Variants in RND3 observed in about 807,000 individuals in gnomAD.
RND3 encodes rho-related GTP-binding protein RhoE.
Under a neutral mutation model 26.5 loss-of-function variants are expected in RND3, and 8 were observed. That is an observed-to-expected ratio of 0.30 (90% CI 0.18 to 0.54). The LOEUF (loss-of-function observed/expected upper bound fraction) is 0.54, where lower values mean the gene tolerates loss of function less well. Among genes scored for constraint, RND3 ranks in the 20% least tolerant of loss-of-function variants. The probability of loss-of-function intolerance (pLI) is 0.94; values close to 1 mark genes in which losing one functional copy is unlikely to be tolerated. For missense variants in RND3, 207 were observed against 302.8 expected, an observed-to-expected ratio of 0.68 and a Z score of 2.35; for synonymous variants, 113 against 113.0, an observed-to-expected ratio of 1.00 and a Z score of 0.00.
At position 150,486,845 on chromosome 2, in the gene RND3, GACACCCATTGA is replaced by G; in HGVS notation, c.151-75_151-65del. On this transcript the variant is annotated intron_variant, in intron 2 of 5. Coordinates refer to ENST00000263895, the MANE Select transcript of RND3 (RefSeq NM_005168.5). The surrounding 1 kb of genome is among the most constrained non-coding windows in gnomAD (Gnocchi z 4.5). ...GCAAAGAGGTTACGTTTAAACGCACGACACCCATTGAACACCCTTCCCCTCCCCGCTCCCCA... is the reference window on the plus strand; with the variant it reads ...GCAAAGAGGTTACGTTTAAACGCACGACACCCTTCCCCTCCCCGCTCCCCA... 8.8e-7 allele frequency: 1 copy of G among 1,130,576 alleles called. No individual in the cohort carries two copies. Among genetic ancestry groups the G allele is most frequent in the South Asian group, 1.2e-5 (1 of 81,324 alleles). 70.0% of individuals were successfully genotyped at this position (1,130,576 alleles called of 1,614,324 possible).
intron 3 of RND3, chr2:150,485,261 C>T (rs1324020141): frequency 6.6e-6 from 1 of 152,356 alleles, no homozygotes; most frequent in Non-Finnish European, 1.5e-5. Context: ...GAGAGGCGCT[C>T]GCTCGTGCGA....
chr2:150,471,719 G>A lies in RND3; in HGVS notation c.391C>T (p.Leu131Phe), dbSNP rs142625334. ...IQEFCPNTKM[L>F]LVGCKSDLRT... ...AGATCAGACTTGCAGCCGACCAAGA[G>A]CATTTTGGTATTTGGACAAAATTCC... The change falls in exon 5 of 6, where the codon CTC (leucine) becomes TTC (phenylalanine). Residue 131 changes from leucine to phenylalanine, a missense_variant. Leu to Phe is a conservative substitution (Grantham distance 22). Coordinates refer to ENST00000263895, the MANE Select transcript of RND3 (RefSeq NM_005168.5). 4 of 1,612,316 alleles carry A rather than the reference G, an allele frequency of 2.5e-6. No homozygotes were observed. The African/African-American group carries it at 4.0e-5, about 16-fold the overall frequency.
At chr2:150,482,689 T>C (rs1686294415) in intron 3 of RND3, among the ~76,000 whole-genome samples, 1 of 141,540 alleles carries the variant, frequency 7.1e-6, no homozygotes. Flanking sequence ...CAAAATGCCT[T>C]TTGTAGTTGC....
chr2:150,478,363 C>G (rs79743060), intron 3 of RND3, among the ~76,000 whole-genome samples: 1 of 151,628 alleles, frequency 6.6e-6, no homozygotes, highest in African/African-American at 2.4e-5. Context: ...CTGGAGAGGG[C>G]ACGGTGGAAT....
intron 3 of RND3, among the ~76,000 whole-genome samples, chr2:150,476,694 C>A (rs1019416557): frequency 2.0e-5 from 3 of 152,144 alleles, no homozygotes; most frequent in African/African-American, 7.2e-5. Context: ...AAAGTCAAGT[C>A]ATTTTAAGTA....
At chr2:150,478,377 A>G (rs917448405) in intron 3 of RND3, among the ~76,000 whole-genome samples, 24 of 152,032 alleles carry the variant, frequency 1.6e-4, no homozygotes, top group African/African-American at 5.6e-4. Flanking sequence ...GTGGAATCAC[A>G]GGTATGCGTG....
chr2:150,483,935 T>C (rs531136297), intron 3 of RND3, among the ~76,000 whole-genome samples: 4 of 152,376 alleles, frequency 2.6e-5, no homozygotes, highest in South Asian at 2.1e-4. Context: ...AGTACAAAAT[T>C]TTCTTCATCA....
At chr2:150,475,781 G>A (rs747662526) in intron 3 of RND3, among the ~76,000 whole-genome samples, 6 of 152,086 alleles carry the variant, frequency 3.9e-5, no homozygotes, top group African/African-American at 9.7e-5. Flanking sequence ...GGATCATGTC[G>A]CTTTTTTACA....
intron 3 of RND3, among the ~76,000 whole-genome samples, chr2:150,482,722 C>CGGGGG (rs1686295534): frequency 1.4e-4 from 1 of 7,154 alleles, no homozygotes; most frequent in Non-Finnish European, 3.1e-4. Context: ...GTGCAATGGG[C>CGGGGG]GGGGGTGGGG....
chr2:150,480,290 T>C (rs547457171), intron 3 of RND3, among the ~76,000 whole-genome samples: 1 of 152,316 alleles, frequency 6.6e-6, no homozygotes, highest in South Asian at 2.1e-4. Context: ...GGCTCATTTT[T>C]CAAAACCAAT....
chr2:150,476,958 G>A (rs902098843), intron 3 of RND3, among the ~76,000 whole-genome samples: 4 of 152,254 alleles, frequency 2.6e-5, no homozygotes, highest in South Asian at 2.1e-4. Context: ...ACTCTAGCAC[G>A]GCACCTGCTG....
chr2:150,479,065 T>C (rs531489501), intron 3 of RND3, among the ~76,000 whole-genome samples: 17 of 152,122 alleles, frequency 1.1e-4, no homozygotes, highest in Non-Finnish European at 2.5e-4. Flanking sequence ...TTGAAAGGCT[T>C]TGCTGGGGGT....
At chr2:150,472,261 C>T (rs918975314) in intron 4 of RND3, among the ~76,000 whole-genome samples, 5 of 152,154 alleles carry the variant, frequency 3.3e-5, no homozygotes, top group Admixed American at 6.5e-5. Context: ...CGAGCTGAGG[C>T]TCTATTTTAA....
At chr2:150,473,951 C>T (rs957148469) in intron 4 of RND3, among the ~76,000 whole-genome samples, 42 of 152,208 alleles carry the variant, frequency 2.8e-4, no homozygotes, top group African/African-American at 8.2e-4. Flanking sequence ...CAGCCACATC[C>T]GGTGTTGAAG....
At chr2:150,471,782 A>C in intron 4 of RND3, 21 bp from the exon 5 acceptor site, 1 of 1,267,274 alleles carries the variant, frequency 7.9e-7, no homozygotes, top group Non-Finnish European at 1.1e-6. Context: ...AAAAAAAAAA[A>C]GATTAAAAAT....
intron 5 of RND3, among the ~76,000 whole-genome samples, chr2:150,471,372 C>T (rs1198920215): frequency 1.3e-5 from 2 of 152,148 alleles, no homozygotes; most frequent in Admixed American, 1.3e-4. Context: ...CTGATTTTGA[C>T]CACATTCTCT....
intron 3 of RND3, among the ~76,000 whole-genome samples, chr2:150,477,157 C>T (rs1036371316): frequency 1.3e-5 from 2 of 152,114 alleles, no homozygotes; most frequent in African/African-American, 2.4e-5. Flanking sequence ...AACGAGGCTT[C>T]AGAGATCTCC....
rs1209384148 is a variant in RND3, at chr2:150,487,474, AAT to A, written c.-38-21_-38-20del. ...ATTTTCTCTTAAGAAGAAAAAAAAA[AAT>A]ATATATATATATATATATTTCTCTC... On this transcript the variant is annotated intron_variant, in intron 1 of 5. Transcript: ENST00000263895. 1.2e-3 allele frequency: 231 copies of A among 200,592 alleles called. No homozygotes were observed. Among genetic ancestry groups the A allele is most frequent in the Middle Eastern group, 3.3e-3 (2 of 608 alleles). 12.4% of individuals were successfully genotyped at this position (200,592 alleles called of 1,614,324 possible).
chr2:150,484,047 A>AATC, intron 3 of RND3, among the ~76,000 whole-genome samples: 1 of 152,368 alleles, frequency 6.6e-6, no homozygotes, highest in Middle Eastern at 3.4e-3. Flanking sequence ...TCAGATGATT[A>AATC]TCTTTAATTC....
Sources: allele counts gnomAD v4.1 joint callset (sites outside exome capture counted in the v4.1 genomes callset), GRCh38; gene constraint gnomAD v4.1.1; non-coding constraint Gnocchi (gnomAD v3.1); transcripts MANE v1.5; gene names NCBI Gene and HGNC (gene_info 2026-07-23, HGNC 2026-07-21).